SPATA9: variants seen among roughly 807,000 people sequenced by gnomAD.
The protein encoded by SPATA9 is spermatogenesis-associated protein 9.
In SPATA9, 27 loss-of-function variants were observed where a neutral mutation model predicts 25.5. That is an observed-to-expected ratio of 1.06 (90% CI 0.78 to 1.46). The LOEUF is 1.46. Among genes scored for constraint, SPATA9 ranks in the 40% most tolerant of loss-of-function variants. SPATA9 has a pLI of 0.00. For missense variants in SPATA9, 282 were observed against 297.5 expected (o/e 0.95, Z 0.38); for synonymous variants, 102 against 105.7 (o/e 0.97, Z 0.21).
chr5:95,711,903 G>T, the SPATA9 span, among the ~76,000 whole-genome samples: 1 of 152,328 alleles, frequency 6.6e-6, no homozygotes, highest in African/African-American at 2.4e-5. Flanking sequence ...TTGAACAATT[G>T]TAGGATTCAA....
upstream of SPATA9, among the ~76,000 whole-genome samples, chr5:95,687,684 A>T (rs1753781820): frequency 1.3e-5 from 2 of 152,208 alleles, no homozygotes; most frequent in Non-Finnish European, 2.9e-5. Context: ...TAGTTATGGT[A>T]AAGTAACAGG....
At chr5:95,701,002 C>T (rs1157344076), upstream of SPATA9, among the ~76,000 whole-genome samples, 1 of 152,096 alleles carries the variant, frequency 6.6e-6, no homozygotes, top group Non-Finnish European at 1.5e-5. Context: ...TTTACTGATA[C>T]TCCCTAATGT....
the SPATA9 span, among the ~76,000 whole-genome samples, chr5:95,707,414 G>A: frequency 1.3e-5 from 2 of 152,002 alleles, no homozygotes; most frequent in Non-Finnish European, 2.9e-5. Flanking sequence ...ACCGAGAGAC[G>A]GCTAATGCTC....
At chr5:95,714,731 A>T in the SPATA9 span, among the ~76,000 whole-genome samples, 3 of 83,494 alleles carry the variant, frequency 3.6e-5, no homozygotes, top group Admixed American at 2.1e-4. Context: ...AGGGCAAATC[A>T]ATTTCAAAAA....
At chr5:95,698,433 G>A (rs1244995776) in intron 1 of SPATA9, among the ~76,000 whole-genome samples, 1 of 152,204 alleles carries the variant, frequency 6.6e-6, no homozygotes, top group African/African-American at 2.4e-5. Flanking sequence ...CAGACTCCTA[G>A]ACGCTCAGGG....
the SPATA9 span, among the ~76,000 whole-genome samples, chr5:95,715,132 T>C: frequency 6.6e-6 from 1 of 152,110 alleles, no homozygotes; most frequent in East Asian, 1.9e-4. Flanking sequence ...AAGACCACCC[T>C]GGCCAACATG....
Position 95,682,515 on chromosome 5 carries a change from A to G in SPATA9, c.150+13T>C. On this transcript the variant is annotated intron_variant, in intron 2 of 4. Coordinates refer to ENST00000274432, the MANE Select transcript of SPATA9 (RefSeq NM_031952.4). ...TTTTTCTATTCCTTTTAAAGGTTAT[A>G]AAATCACATTACCTGATTAGACTGT... The G allele has an allele frequency of 6.5e-7, 1 of 1,549,200 alleles. No homozygotes were observed. The highest frequency in any genetic ancestry group is 8.9e-7 in the Non-Finnish European group (1 of 1,128,746).
chr5:95,690,643 T>C (rs2112704910), intron 1 of SPATA9, among the ~76,000 whole-genome samples: 1 of 152,270 alleles, frequency 6.6e-6, no homozygotes, highest in Non-Finnish European at 1.5e-5. Context: ...CAAACAGATA[T>C]TATGGGTTTC....
At position 95,689,668 on chromosome 5, in the gene SPATA9, A is replaced by T. The variant is rs1470115560; in HGVS notation, n.124+8920T>A. The stretch of plus-strand genomic sequence containing the variant: ...GCAGGACAAACACATTATTGGGTTA[A>T]TAATGTTAGGAATAAAAAATTTCAG... On this transcript the variant is annotated intron_variant and non_coding_transcript_variant, in intron 1 of 2. Coordinates refer to the SPATA9 transcript ENST00000379990. Among the ~76,000 whole-genome samples the T allele has an allele frequency of 3.3e-5, 5 of 152,304 alleles. No individual in the cohort carries two copies. The South Asian group carries it at 1.0e-3, about 32-fold the overall frequency.
chr5:95,722,618 T>TCCTGCCTC, the SPATA9 span, among the ~76,000 whole-genome samples: 1 of 152,178 alleles, frequency 6.6e-6, no homozygotes, highest in Non-Finnish European at 1.5e-5. Flanking sequence ...GCCTCCCAAG[T>TCCTGCCTC]AGCTGGGACT....
chr5:95,696,105 A>C (rs984657697), intron 1 of SPATA9, among the ~76,000 whole-genome samples: 1 of 152,180 alleles, frequency 6.6e-6, no homozygotes, highest in East Asian at 1.9e-4. Context: ...GTGAAGCCTT[A>C]AGATGACTGT....
intron 1 of SPATA9, among the ~76,000 whole-genome samples, chr5:95,696,453 G>A (rs1754023914): frequency 6.6e-6 from 1 of 152,158 alleles, no homozygotes; most frequent in Non-Finnish European, 1.5e-5. Flanking sequence ...AGCTGTTGAA[G>A]TACATTGTTT....
At chr5:95,719,085 G>C in the SPATA9 span, among the ~76,000 whole-genome samples, 1 of 152,164 alleles carries the variant, frequency 6.6e-6, no homozygotes, top group Non-Finnish European at 1.5e-5. Flanking sequence ...AGTTCATGAA[G>C]ACATTGAGAT....
chr5:95,709,608 A>G, the SPATA9 span, among the ~76,000 whole-genome samples: 4 of 152,200 alleles, frequency 2.6e-5, no homozygotes, highest in Admixed American at 6.5e-5. Context: ...ACCCTATGGC[A>G]GCAGGCAGCC....
chr5:95,712,378 T>C, the SPATA9 span, among the ~76,000 whole-genome samples: 1 of 152,206 alleles, frequency 6.6e-6, no homozygotes, highest in Non-Finnish European at 1.5e-5. Flanking sequence ...TTGTAACTGG[T>C]AGAATGCAGC....
upstream of SPATA9, chr5:95,683,168 A>G (rs1753599986): frequency 4.2e-6 from 1 of 238,198 alleles, no homozygotes; most frequent in Non-Finnish European, 6.8e-6. Flanking sequence ...ATTTGTCCCA[A>G]ATTCTGCAGT....
chr5:95,669,273 T>C (rs1235677853), intron 3 of SPATA9, among the ~76,000 whole-genome samples: 1 of 152,176 alleles, frequency 6.6e-6, no homozygotes, highest in East Asian at 1.9e-4. Context: ...AGGAGTTCTA[T>C]CTAGGAAATA....
intron 3 of SPATA9, 88 bp from the exon 4 acceptor site, chr5:95,664,136 T>A: frequency 1.4e-6 from 1 of 706,282 alleles, no homozygotes; most frequent in Non-Finnish European, 2.1e-6. Context: ...AAATGAGAAT[T>A]TATTTTTTTC....
At chr5:95,710,269 C>G in the SPATA9 span, among the ~76,000 whole-genome samples, 1 of 152,148 alleles carries the variant, frequency 6.6e-6, no homozygotes, top group Non-Finnish European at 1.5e-5. Context: ...TCTAACAGTT[C>G]CTGACAGTCA....
Sources: allele counts gnomAD v4.1 joint callset (sites outside exome capture counted in the v4.1 genomes callset), GRCh38; gene constraint gnomAD v4.1.1; transcripts MANE v1.5; gene names NCBI Gene and HGNC (gene_info 2026-07-23, HGNC 2026-07-21).